The following ARHGAP28 variants were observed in gnomAD, a reference collection of about 807,000 sequenced individuals.
ARHGAP28 encodes the protein rho GTPase-activating protein 28.
Under a neutral mutation model 90.7 loss-of-function variants are expected in ARHGAP28, and 56 were observed. The ratio of observed to expected loss-of-function variants is 0.62; its 90% CI spans 0.50 to 0.77. ARHGAP28 has a LOEUF of 0.77. Ranked by LOEUF, ARHGAP28 falls within the 30% of genes least tolerant of loss-of-function variation. ARHGAP28 has a pLI of 0.00. For synonymous variants in ARHGAP28, 308 were observed against 323.3 expected (o/e 0.95, Z 0.51); for missense variants, 869 against 900.9 (o/e 0.96, Z 0.45).
chr18:6,847,402 C>T (rs1053476370), intron 3 of ARHGAP28, among the ~76,000 whole-genome samples: 4 of 152,078 alleles, frequency 2.6e-5, no homozygotes, highest in African/African-American at 9.7e-5. Context: ...GGTGAGTTTT[C>T]ACAGAACTTC....
chr18:6,771,850 G>T (rs542752431), intron 1 of ARHGAP28, among the ~76,000 whole-genome samples: 1 of 152,282 alleles, frequency 6.6e-6, no homozygotes, highest in Non-Finnish European at 1.5e-5. Context: ...TAGATAAAAG[G>T]TTAGGACTGT....
At chr18:6,745,012 A>G (rs1484667735) in intron 1 of ARHGAP28, among the ~76,000 whole-genome samples, 2 of 151,988 alleles carry the variant, frequency 1.3e-5, no homozygotes, top group African/African-American at 4.8e-5. Context: ...TAATTAAAAT[A>G]CTTTATACTC....
Position 6,840,979 on chromosome 18 carries a change from A to C in ARHGAP28, c.543+3565A>C, listed in dbSNP as rs572522960. On this transcript the variant is annotated intron_variant, in intron 3 of 17. Transcript: ENST00000383472. ...CTTCACAGATGTTGTTTCCTAAAAAATTCGGCATCTGTTTTTGCAAGAAAT... is the reference window on the plus strand; with the variant it reads ...CTTCACAGATGTTGTTTCCTAAAAACTTCGGCATCTGTTTTTGCAAGAAAT... Among the ~76,000 whole-genome samples the C allele has an allele frequency of 2.0e-5, 3 of 152,248 alleles. No homozygotes were observed. The South Asian group carries it at 6.2e-4, about 32-fold the overall frequency.
intron 3 of ARHGAP28, among the ~76,000 whole-genome samples, chr18:6,849,943 T>C (rs1215123828): frequency 6.6e-6 from 1 of 152,188 alleles, no homozygotes; most frequent in East Asian, 1.9e-4. Context: ...CCACTTTTTC[T>C]ATTCTTCCTT....
At chr18:6,907,395 A>G (rs1457824345) in intron 16 of ARHGAP28, among the ~76,000 whole-genome samples, 1 of 25,204 alleles carries the variant, frequency 4.0e-5, no homozygotes, top group African/African-American at 1.6e-4. Context: ...CAAAAACTGG[A>G]AAAAAAAAAA....
chr18:6,845,814 T>C (rs1413670574), intron 3 of ARHGAP28, among the ~76,000 whole-genome samples: 2 of 152,174 alleles, frequency 1.3e-5, no homozygotes, highest in Non-Finnish European at 2.9e-5. Context: ...TAAATGTAAA[T>C]ATCATGGGAA....
In ARHGAP28 at chr18:6,802,335, C is replaced by CTTTTTTTTTT. The variant is rs35950139; in HGVS notation, c.123-22408_123-22399dup. On this transcript the variant is annotated intron_variant, in intron 1 of 17. Coordinates refer to ENST00000383472, the MANE Select transcript of ARHGAP28 (RefSeq NM_001366230.1). ...GGATCATATGGATCATATGGTAGTT[C>CTTTTTTTTTT]TTTTTTTTTTTTTTTTTTTTTTTTT... Among the ~76,000 whole-genome samples the CTTTTTTTTTT allele has an allele frequency of 3.4e-4, 18 of 52,760 alleles. 3 individuals are homozygous for CTTTTTTTTTT. The highest frequency in any genetic ancestry group is 3.9e-4 in the Non-Finnish European group (11 of 28,046). The allele number at this position is 52,760 out of a possible 152,430, so 34.6% of individuals were successfully genotyped here. A position where few individuals can be genotyped will look rare whatever the true frequency, so the allele number is the denominator to read the frequency against.
chr18:6,772,783 G>A (rs1205339584), intron 1 of ARHGAP28, among the ~76,000 whole-genome samples: 1 of 151,552 alleles, frequency 6.6e-6, no homozygotes, highest in Non-Finnish European at 1.5e-5. Flanking sequence ...TGCCCAGGCT[G>A]GAGTGCAATG....
At chr18:6,771,007 G>A (rs781577520) in intron 1 of ARHGAP28, among the ~76,000 whole-genome samples, 21 of 152,066 alleles carry the variant, frequency 1.4e-4, no homozygotes, top group Non-Finnish European at 2.4e-4. Context: ...TTCAGAGTGA[G>A]CAACTTTAAA....
intron 7 of ARHGAP28, among the ~76,000 whole-genome samples, chr18:6,872,853 A>T (rs751555381): frequency 9.9e-5 from 15 of 152,134 alleles, no homozygotes; most frequent in Non-Finnish European, 1.6e-4. Context: ...GAATCATTTA[A>T]ATTTAATTTT....
intron 3 of ARHGAP28, among the ~76,000 whole-genome samples, chr18:6,847,572 C>T (rs561859158): frequency 7.3e-5 from 11 of 151,396 alleles, no homozygotes; most frequent in East Asian, 3.9e-4. Context: ...TCTAACCATA[C>T]GAAGCAGAAG....
intron 12 of ARHGAP28, among the ~76,000 whole-genome samples, chr18:6,888,103 T>A (rs941884098): frequency 1.3e-5 from 2 of 152,356 alleles, no homozygotes; most frequent in Admixed American, 1.3e-4. Context: ...TTGGTCATTT[T>A]ACATATTAGG....
intron 1 of ARHGAP28, among the ~76,000 whole-genome samples, chr18:6,776,293 T>C (rs1050224732): frequency 3.3e-5 from 5 of 152,364 alleles, no homozygotes; most frequent in African/African-American, 9.6e-5. Flanking sequence ...TGTGTTTTAA[T>C]GCCTGTTTCA....
At chr18:6,850,733 A>G (rs2056903295) in intron 3 of ARHGAP28, 3 of 1,350,994 alleles carry the variant, frequency 2.2e-6, no homozygotes, top group East Asian at 2.5e-5. Context: ...AGAACATACC[A>G]TCTTGGAGCA....
At chr18:6,890,212 T>C in intron 13 of ARHGAP28, 127 bp downstream of exon 13, 1 of 1,088,204 alleles carries the variant, frequency 9.2e-7, no homozygotes, top group South Asian at 1.5e-5. Context: ...CAGGTGGCTG[T>C]GACAGCCTTA....
intron 1 of ARHGAP28, among the ~76,000 whole-genome samples, chr18:6,751,668 A>G (rs1360369679): frequency 1.3e-5 from 2 of 152,240 alleles, no homozygotes; most frequent in Non-Finnish European, 2.9e-5. Context: ...GGGCACATAC[A>G]AACTGGTTCT....
chr18:6,863,960 T>A (rs2057018143), intron 5 of ARHGAP28, among the ~76,000 whole-genome samples: 1 of 152,122 alleles, frequency 6.6e-6, no homozygotes, highest in Non-Finnish European at 1.5e-5. Context: ...TTTTTTTGTA[T>A]TTTTAGTAGA....
intron 1 of ARHGAP28, among the ~76,000 whole-genome samples, chr18:6,793,881 C>T (rs1389419634): frequency 6.6e-6 from 1 of 151,890 alleles, no homozygotes; most frequent in Non-Finnish European, 1.5e-5. Flanking sequence ...TTGCTAGAGG[C>T]TCTGTTAGAT....
intron 1 of ARHGAP28, among the ~76,000 whole-genome samples, chr18:6,814,242 C>T (rs1000750841): frequency 2.6e-5 from 4 of 152,092 alleles, no homozygotes; most frequent in Non-Finnish European, 4.4e-5. Context: ...GAAGTGAGGG[C>T]CCATGAGGAG....
Sources: allele counts gnomAD v4.1 joint callset (sites outside exome capture counted in the v4.1 genomes callset), GRCh38; gene constraint gnomAD v4.1.1; transcripts MANE v1.5; gene names NCBI Gene and HGNC (gene_info 2026-07-23, HGNC 2026-07-21).